The following NR4A1 variants were observed in gnomAD, a reference collection of about 807,000 sequenced individuals.
NR4A1 encodes the protein nuclear receptor subfamily 4immunitygroup A member 1.
Under a neutral mutation model 47.5 loss-of-function variants are expected in NR4A1, and 24 were observed. The ratio of observed to expected loss-of-function variants is 0.50; its 90% CI spans 0.37 to 0.71. NR4A1 has a LOEUF of 0.71. Among genes scored for constraint, NR4A1 ranks in the 30% least tolerant of loss-of-function variants. NR4A1 has a pLI of 0.00. For missense variants in NR4A1, 669 were observed against 788.6 expected (o/e 0.85, Z 1.82); for synonymous variants, 353 against 345.7 (o/e 1.02, Z -0.24).
chr12:52,051,333 C>T (rs1266424645), upstream of NR4A1: 4 of 930,304 alleles, frequency 4.3e-6, no homozygotes, highest in African/African-American at 5.3e-5. Context: ...CGCACCGCCC[C>T]CCGCGCCCTT....
intron 1 of NR4A1, among the ~76,000 whole-genome samples, chr12:52,033,745 C>T (rs2120932581): frequency 1.3e-5 from 2 of 152,316 alleles, no homozygotes; most frequent in South Asian, 4.1e-4. Context: ...TTTTTCGGCC[C>T]TTAAATTGCT....
chr12:52,038,145 A>G (rs1404464991), intron 1 of NR4A1: 2 of 855,354 alleles, frequency 2.3e-6, no homozygotes, highest in African/African-American at 1.9e-5. Flanking sequence ...GCTCACTGCA[A>G]TCTCCGTCTC....
chr12:52,037,975 G>T, intron 1 of NR4A1: 4 of 199,706 alleles, frequency 2.0e-5, no homozygotes, highest in Non-Finnish European at 2.5e-5. Context: ...GGCGGGGGTG[G>T]TCTGTATTTC....
At chr12:52,033,787 G>A (rs1233080242) in intron 1 of NR4A1, among the ~76,000 whole-genome samples, 1 of 152,202 alleles carries the variant, frequency 6.6e-6, no homozygotes, top group Non-Finnish European at 1.5e-5. Context: ...GGGGACCCCG[G>A]CCAGGTAGTT....
intron 1 of NR4A1, among the ~76,000 whole-genome samples, chr12:52,034,139 G>A (rs73303761): frequency 0.018 from 2,766 of 152,276 alleles, 66 homozygotes; most frequent in African/African-American, 0.064. Context: ...CTAAGGTTTG[G>A]GGGCAGCCTC....
At chr12:52,030,192 G>A (rs1269569135) in intron 1 of NR4A1, among the ~76,000 whole-genome samples, 3 of 152,180 alleles carry the variant, frequency 2.0e-5, no homozygotes, top group African/African-American at 7.2e-5. Context: ...CTTAGGCCCT[G>A]TCTCCCTTCA....
intron 1 of NR4A1, chr12:52,037,729 G>A (rs1057292103): frequency 2.0e-6 from 2 of 985,502 alleles, no homozygotes; most frequent in Non-Finnish European, 1.2e-6. Context: ...TCCGCCGGCT[G>A]CGGGAACCGG....
chr12:52,057,276 G>A lies in NR4A1; in HGVS notation c.1361+17G>A, dbSNP rs775165745. 1.2e-5 allele frequency: 20 copies of A among 1,613,090 alleles called. No homozygotes were observed. The highest frequency in any genetic ancestry group is 1.7e-5 in the Non-Finnish European group (20 of 1,179,678). On this transcript the variant is annotated intron_variant, in intron 5 of 6. Coordinates refer to ENST00000394825, the MANE Select transcript of NR4A1 (RefSeq NM_173157.3). ...GGCGTACAGGTGAGAGCCACTGACT[G>A]TCTGCCCAGCCCCTTTCCCTGATAC...
At chr12:52,036,581 A>G (rs575795935) in intron 1 of NR4A1, among the ~76,000 whole-genome samples, 474 of 152,348 alleles carry the variant, frequency 3.1e-3, no homozygotes, top group Middle Eastern at 6.8e-3. Context: ...AGATCAGTGA[A>G]TCCATCACCT....
chr12:52,051,549 G>C lies in NR4A1; in HGVS notation c.-22G>C. ...AGACTCGGGGCGCCAGTCCGGGCAG[G>C]GGCAGCGGGAGCCGGCCGGGTAGGT... On this transcript the variant is annotated 5_prime_UTR_variant, in exon 1 of 7. Transcript: ENST00000394825. 2 of 986,102 alleles carry C rather than the reference G, an allele frequency of 2.0e-6. No homozygotes were observed. The highest frequency in any genetic ancestry group is 2.4e-6 in the Non-Finnish European group (2 of 830,426). The allele number at this position is 986,102 out of a possible 1,614,324, so 61.1% of individuals were successfully genotyped here. A position where few individuals can be genotyped will look rare whatever the true frequency, so the allele number is the denominator to read the frequency against.
At chr12:52,055,910 C>A in intron 2 of NR4A1, 120 bp from the exon 3 acceptor site, 1 of 517,432 alleles carries the variant, frequency 1.9e-6, no homozygotes, top group Non-Finnish European at 3.2e-6. Flanking sequence ...AGAAAAATAG[C>A]TGTGAACAGA....
At chr12:52,031,778 A>ATT (rs61279135) in intron 1 of NR4A1, among the ~76,000 whole-genome samples, 7,534 of 125,834 alleles carry the variant, frequency 0.06, 675 homozygotes, top group African/African-American at 0.17. Flanking sequence ...GTGATGGTTA[A>ATT]TTTTTTTTTT....
upstream of NR4A1, among the ~76,000 whole-genome samples, chr12:52,047,367 G>C (rs1372839459): frequency 6.6e-6 from 1 of 152,200 alleles, no homozygotes; most frequent in Admixed American, 6.5e-5. Context: ...ATTCTCCCTT[G>C]AGGGCCCACA....
upstream of NR4A1, among the ~76,000 whole-genome samples, chr12:52,050,821 C>T (rs1000708083): frequency 3.9e-5 from 6 of 152,334 alleles, 1 homozygote; most frequent in South Asian, 1.0e-3. Context: ...CGCAGGCTCC[C>T]CAGGGTGTGT....
Position 52,058,745 on chromosome 12 carries a change from G to C in NR4A1, c.1598G>C (p.Ser533Thr), listed in dbSNP as rs748698914. The part of the protein sequence containing the change: ...RVEELQNRIA[S>T]CLKEHVAAVA... ...GAGGAGCTGCAGAACCGCATCGCCAGCTGCCTGAAGGAGCACGTGGCAGCT... is the reference window on the plus strand; with the variant it reads ...GAGGAGCTGCAGAACCGCATCGCCACCTGCCTGAAGGAGCACGTGGCAGCT... The change falls in exon 7 of 7, where the codon AGC (serine) becomes ACC (threonine). Residue 533 changes from serine to threonine, a missense_variant. Physicochemically the swap from Ser to Thr is moderately conservative, Grantham distance 58. Transcript: ENST00000394825. 2.5e-6 allele frequency: 4 copies of C among 1,612,066 alleles called. No homozygotes were observed. The African/African-American group carries it at 4.0e-5, about 16-fold the overall frequency.
chr12:52,044,514 A>AC (rs1938558068), intron 2 of NR4A1, among the ~76,000 whole-genome samples: 1 of 152,162 alleles, frequency 6.6e-6, no homozygotes, highest in African/African-American at 2.4e-5. Context: ...GCAGCTCCTT[A>AC]CGTGGGAGGC....
At chr12:52,044,704 A>G (rs910872104) in intron 2 of NR4A1, among the ~76,000 whole-genome samples, 1 of 152,206 alleles carries the variant, frequency 6.6e-6, no homozygotes, top group Non-Finnish European at 1.5e-5. Context: ...TTGCCCACGT[A>G]GGCTGGGTGG....
At chr12:52,053,050 C>T (rs1387830184) in intron 1 of NR4A1, among the ~76,000 whole-genome samples, 1 of 152,140 alleles carries the variant, frequency 6.6e-6, no homozygotes, top group Non-Finnish European at 1.5e-5. Context: ...CAGCCTTTGC[C>T]CCCATCACTG....
intron 1 of NR4A1, chr12:52,037,117 G>C (rs1398178451): frequency 2.7e-5 from 4 of 148,466 alleles, no homozygotes; most frequent in Non-Finnish European, 6.0e-5. Flanking sequence ...CACGCGTCAC[G>C]GTCCCCGCCC....
Sources: allele counts gnomAD v4.1 joint callset (sites outside exome capture counted in the v4.1 genomes callset), GRCh38; gene constraint gnomAD v4.1.1; transcripts MANE v1.5; gene names NCBI Gene and HGNC (gene_info 2026-07-23, HGNC 2026-07-21).